FAM47E: variants seen among roughly 807,000 people sequenced by gnomAD.
FAM47E encodes family with sequence similarity 47 member E.
Under a neutral mutation model 41.6 loss-of-function variants are expected in FAM47E, and 32 were observed. The observed-to-expected ratio is 0.77, with a 90% confidence interval of 0.58 to 1.03. The LOEUF (loss-of-function observed/expected upper bound fraction) is 1.03, where lower values mean the gene tolerates loss of function less well. Ranked by LOEUF, FAM47E falls within the 50% of genes least tolerant of loss-of-function variation. FAM47E has a pLI of 0.00. For synonymous variants in FAM47E, 184 were observed against 188.7 expected (o/e 0.98, Z 0.20); for missense variants, 424 against 485.4 (o/e 0.87, Z 1.19).
At chr4:76,257,850 G>A (rs1734254503) in intron 2 of FAM47E, among the ~76,000 whole-genome samples, 1 of 152,104 alleles carries the variant, frequency 6.6e-6, no homozygotes, top group Non-Finnish European at 1.5e-5. Context: ...AAGCTTATAA[G>A]GGCAGGGACT....
At chr4:76,220,614 T>A (rs574225282) in intron 2 of FAM47E, among the ~76,000 whole-genome samples, 4 of 152,330 alleles carry the variant, frequency 2.6e-5, no homozygotes, top group African/African-American at 9.6e-5. Flanking sequence ...CAGAGCTAGA[T>A]CCTGTCTCTT....
intron 4 of FAM47E, among the ~76,000 whole-genome samples, chr4:76,270,250 C>T (rs985768720): frequency 1.3e-5 from 2 of 152,178 alleles, no homozygotes; most frequent in Non-Finnish European, 2.9e-5. Flanking sequence ...AGCTTATATC[C>T]TACCAGCGAG....
intron 2 of FAM47E, chr4:76,236,580 A>T (rs1733589630): frequency 6.6e-6 from 1 of 151,676 alleles, no homozygotes; most frequent in South Asian, 2.1e-4. Context: ...TTTTAGGGAG[A>T]CATTTACACA....
chr4:76,272,021 G>A (rs1307216105), intron 5 of FAM47E, among the ~76,000 whole-genome samples: 1 of 152,156 alleles, frequency 6.6e-6, no homozygotes, highest in Non-Finnish European at 1.5e-5. Context: ...TTTGTTAGGT[G>A]TTTTATATGT....
At chr4:76,276,641 C>T (rs1234489890) in intron 5 of FAM47E, among the ~76,000 whole-genome samples, 2 of 152,122 alleles carry the variant, frequency 1.3e-5, no homozygotes, top group African/African-American at 4.8e-5. Flanking sequence ...GTGCCCGGCC[C>T]AGGGTTACCA....
At chr4:76,276,037 GACAC>G (rs796893693) in intron 5 of FAM47E, among the ~76,000 whole-genome samples, 41 of 62,400 alleles carry the variant, frequency 6.6e-4, no homozygotes, top group East Asian at 3.1e-3. Context: ...CAGACAGACA[GACAC>G]ACACACACAC....
At chr4:76,234,527 TA>T (rs1457979073) in intron 2 of FAM47E, 6 of 152,170 alleles carry the variant, frequency 3.9e-5, no homozygotes, top group South Asian at 2.1e-4. Flanking sequence ...GTTGGAATCC[TA>T]GGTTCCACAC....
At chr4:76,229,490 G>A (rs530409438) in intron 2 of FAM47E, among the ~76,000 whole-genome samples, 13 of 152,298 alleles carry the variant, frequency 8.5e-5, no homozygotes, top group South Asian at 2.1e-4. Context: ...GGAAAAAGCT[G>A]GAACTCAAGG....
intron 7 of FAM47E, chr4:76,281,285 C>A (rs1319171203): frequency 1.3e-5 from 2 of 152,112 alleles, no homozygotes; most frequent in East Asian, 3.8e-4. Context: ...AGTTCAGAAT[C>A]AGACTGGTTT....
At chr4:76,222,095 G>T (rs1306200105) in intron 2 of FAM47E, among the ~76,000 whole-genome samples, 1 of 152,234 alleles carries the variant, frequency 6.6e-6, no homozygotes, top group Non-Finnish European at 1.5e-5. Context: ...TTTCAGGGAG[G>T]CTGGGCAGGC....
At chr4:76,242,709 A>G (rs564946396) in intron 2 of FAM47E, among the ~76,000 whole-genome samples, 4 of 152,358 alleles carry the variant, frequency 2.6e-5, no homozygotes, top group Admixed American at 2.0e-4. Context: ...AATACACACC[A>G]AACTCTAAAG....
intron 2 of FAM47E, among the ~76,000 whole-genome samples, chr4:76,239,749 T>A (rs1733667769): frequency 6.6e-6 from 1 of 152,176 alleles, no homozygotes; most frequent in Non-Finnish European, 1.5e-5. Flanking sequence ...CAATTTGTGT[T>A]CTTTTGTTGT....
chr4:76,230,160 G>A (rs1057065873), intron 2 of FAM47E, among the ~76,000 whole-genome samples: 5 of 152,152 alleles, frequency 3.3e-5, no homozygotes, highest in African/African-American at 1.2e-4. Context: ...TGGGTGCAGG[G>A]TTAGACAAGT....
chr4:76,278,837 CATT>C (rs1735234270), intron 6 of FAM47E: 1 of 152,296 alleles, frequency 6.6e-6, no homozygotes, highest in African/African-American at 2.4e-5. Context: ...AGAAGATACT[CATT>C]ATGGCCCTGG....
intron 2 of FAM47E, among the ~76,000 whole-genome samples, chr4:76,239,796 A>G (rs960725078): frequency 5.9e-5 from 9 of 152,128 alleles, no homozygotes; most frequent in Non-Finnish European, 1.2e-4. Flanking sequence ...TATCCAAGAA[A>G]TTATTGCCCA....
At chr4:76,217,159 CTT>C (rs1193345637) in intron 1 of FAM47E, among the ~76,000 whole-genome samples, 1 of 152,212 alleles carries the variant, frequency 6.6e-6, no homozygotes. Context: ...CTATGAGAGA[CTT>C]TGCCCTCTCA....
chr4:76,219,580 C>T (rs10032423), intron 2 of FAM47E, among the ~76,000 whole-genome samples: 64,559 of 151,812 alleles, frequency 0.43, 15,104 homozygotes, highest in East Asian at 0.94. Flanking sequence ...GCTGTATAAA[C>T]GAGAAAGCCA....
rs1042343669 is a variant in FAM47E, at chr4:76,256,233, C to A, written c.130C>A (p.Gln44Lys). 6.4e-7 allele frequency: 1 copy of A among 1,551,664 alleles called. No homozygotes were observed. Among genetic ancestry groups the A allele is most frequent in the East Asian group, 2.4e-5 (1 of 40,920 alleles). The change falls in exon 2 of 8, where the codon CAG becomes AAG. Residue 44 changes from glutamine (Q) to lysine (K), a missense_variant. Gln to Lys is a moderately conservative substitution (Grantham distance 53). Transcript: ENST00000424749. ...GTTCCCCACCTCTCTGCACAGCCGG[C>A]AGTTGGTATTTCCAAGAAAGGGGCT... Reference protein sequence around the residue: ...LKFPTSLHSRQLVFPRKGLDD... With the variant: ...LKFPTSLHSRKLVFPRKGLDD...
At chr4:76,253,963 A>C (rs1334915351) in intron 1 of FAM47E, among the ~76,000 whole-genome samples, 1 of 151,822 alleles carries the variant, frequency 6.6e-6, no homozygotes, top group Non-Finnish European at 1.5e-5. Flanking sequence ...TACAAAAGCA[A>C]TTTAAAAATT....
Sources: allele counts gnomAD v4.1 joint callset (sites outside exome capture counted in the v4.1 genomes callset), GRCh38; gene constraint gnomAD v4.1.1; transcripts MANE v1.5; gene names NCBI Gene and HGNC (gene_info 2026-07-23, HGNC 2026-07-21).